Variants in LMO7 observed in about 807,000 individuals in gnomAD.
LMO7 encodes the protein LIM domain 7.
A neutral mutation model predicts 206.5 loss-of-function variants in LMO7; 120 were observed. That is an observed-to-expected ratio of 0.58 (90% CI 0.50 to 0.68). The LOEUF (loss-of-function observed/expected upper bound fraction) is 0.68. Among genes scored for constraint, LMO7 ranks in the 30% least tolerant of loss-of-function variants. The pLI, the probability that LMO7 is intolerant of heterozygous loss-of-function variation, is 0.00. For missense variants in LMO7, 1,959 were observed against 1,957.9 expected (o/e 1.00, Z -0.01); for synonymous variants, 706 against 681.5 (o/e 1.04, Z -0.56).
At chr13:75,738,778 T>C (rs2046176142) in intron 3 of LMO7, among the ~76,000 whole-genome samples, 1 of 152,212 alleles carries the variant, frequency 6.6e-6, no homozygotes, top group Non-Finnish European at 1.5e-5. Context: ...AGAAGAGCTA[T>C]TGAACCAGAA....
At chr13:75,750,232 C>G (rs1264439217) in intron 3 of LMO7, among the ~76,000 whole-genome samples, 1 of 152,114 alleles carries the variant, frequency 6.6e-6, no homozygotes, top group Non-Finnish European at 1.5e-5. Flanking sequence ...TTTTGGTGAT[C>G]TAATAGTAAA....
intron 1 of LMO7, among the ~76,000 whole-genome samples, chr13:75,648,962 C>T (rs560908743): frequency 1.3e-5 from 2 of 152,228 alleles, no homozygotes; most frequent in South Asian, 2.1e-4. Flanking sequence ...ATGGGAAAAG[C>T]ATTTGGGAAC....
chr13:75,856,052 C>T (rs1033375262), intron 29 of LMO7, among the ~76,000 whole-genome samples: 18 of 152,074 alleles, frequency 1.2e-4, no homozygotes, highest in African/African-American at 3.9e-4. Context: ...CACATGGAAT[C>T]GAAATATCCA....
chr13:75,776,208 G>A (rs575751525), intron 4 of LMO7, among the ~76,000 whole-genome samples: 5 of 39,520 alleles, frequency 1.3e-4, no homozygotes, highest in Admixed American at 3.4e-4. Context: ...TATATATAAC[G>A]TTAAGTCGTA....
At chr13:75,620,909 T>C (rs554872906) in exon 1 of LMO7, 1 of 151,984 alleles carries the variant, frequency 6.6e-6, no homozygotes, top group East Asian at 1.9e-4. Context: ...GCATAAAATA[T>C]AGTGGCTGTA....
chr13:75,621,079 A>C (rs1327959364), exon 1 of LMO7: 2 of 152,174 alleles, frequency 1.3e-5, no homozygotes, highest in Non-Finnish European at 2.9e-5. Flanking sequence ...TCTCATGTAC[A>C]TTTTACATGA....
chr13:75,646,745 G>A (rs1387609625), intron 1 of LMO7, among the ~76,000 whole-genome samples: 2 of 151,892 alleles, frequency 1.3e-5, no homozygotes, highest in Non-Finnish European at 2.9e-5. Context: ...CACCACACCC[G>A]GCTGATTTTT....
chr13:75,654,176 A>T (rs555025768), intron 1 of LMO7, among the ~76,000 whole-genome samples: 1 of 152,348 alleles, frequency 6.6e-6, no homozygotes, highest in East Asian at 1.9e-4. Flanking sequence ...GGGAGAGCTT[A>T]CAAATCTGTA....
At chr13:75,835,052 G>C (rs2059006489) in intron 17 of LMO7, 181 bp from the exon 18 acceptor site, 1 of 660,160 alleles carries the variant, frequency 1.5e-6, no homozygotes, top group Non-Finnish European at 2.2e-6. Context: ...TGTTTGTCTT[G>C]TATATGTAGA....
chr13:75,683,374 T>G (rs937491714), intron 1 of LMO7, among the ~76,000 whole-genome samples: 1 of 152,250 alleles, frequency 6.6e-6, no homozygotes, highest in African/African-American at 2.4e-5. Flanking sequence ...AGGTCTAAGA[T>G]ACTTTTTGAT....
chr13:75,633,005 G>T (rs1490255658), upstream of LMO7, among the ~76,000 whole-genome samples: 3 of 151,324 alleles, frequency 2.0e-5, no homozygotes, highest in Non-Finnish European at 4.4e-5. Flanking sequence ...AGAATTACAG[G>T]TGGCTGCCAC....
At chr13:75,757,643 A>G in intron 3 of LMO7, among the ~76,000 whole-genome samples, 1 of 152,168 alleles carries the variant, frequency 6.6e-6, no homozygotes, top group East Asian at 1.9e-4. Flanking sequence ...AGACAATATG[A>G]AAATCTTAAA....
At chr13:75,809,309 T>A in intron 11 of LMO7, 126 bp downstream of exon 11, 1 of 744,070 alleles carries the variant, frequency 1.3e-6, no homozygotes, top group Middle Eastern at 2.4e-4. Flanking sequence ...ATTTTTTAAG[T>A]GGGAAATGTT....
intron 1 of LMO7, among the ~76,000 whole-genome samples, chr13:75,697,346 T>A (rs775397620): frequency 5.3e-5 from 8 of 152,166 alleles, no homozygotes; most frequent in Non-Finnish European, 1.2e-4. Context: ...TCTACATGGC[T>A]GGGGAGGCCT....
intron 1 of LMO7, among the ~76,000 whole-genome samples, chr13:75,684,942 G>A (rs1053308744): frequency 2.6e-5 from 4 of 152,166 alleles, no homozygotes; most frequent in Non-Finnish European, 4.4e-5. Context: ...TATGCCAGCT[G>A]TTAGATAATT....
At chr13:75,792,243 C>T (rs1328689385) in intron 4 of LMO7, among the ~76,000 whole-genome samples, 1 of 152,158 alleles carries the variant, frequency 6.6e-6, no homozygotes, top group Non-Finnish European at 1.5e-5. Context: ...GCTGGGATTA[C>T]AGGAATGAGC....
chr13:75,736,447 G>A (rs1157813356), intron 3 of LMO7, among the ~76,000 whole-genome samples: 2 of 152,164 alleles, frequency 1.3e-5, no homozygotes, highest in South Asian at 2.1e-4. Flanking sequence ...GTTGTTATGA[G>A]GACTAAAAGG....
At chr13:75,850,374 C>A (rs999131342) in intron 27 of LMO7, among the ~76,000 whole-genome samples, 1 of 152,120 alleles carries the variant, frequency 6.6e-6, no homozygotes, top group Non-Finnish European at 1.5e-5. Flanking sequence ...ACCCTCTGAG[C>A]AATGTAGTTT....
Position 75,777,647 on chromosome 13 carries a change from G to GTTTT in LMO7, c.317+16622_317+16625dup, listed in dbSNP as rs3036339. Among the ~76,000 whole-genome samples the GTTTT allele has an allele frequency of 4.8e-4, 63 of 132,082 alleles. 1 individual carries two copies. The highest frequency in any genetic ancestry group is 8.0e-4 in the African/African-American group (28 of 35,120). 86.7% of individuals were successfully genotyped at this position (132,082 alleles called of 152,430 possible). On this transcript the variant is annotated intron_variant, in intron 4 of 30. Coordinates refer to ENST00000377534, the MANE Select transcript of LMO7 (RefSeq NM_001306080.2). Reference sequence around the variant, plus strand: ...TATTTACTTCTGATTTTCTTTTCTTGTTTTTTTTTTTTTTTTGAGACAGAG... The same window carrying GTTTT: ...TATTTACTTCTGATTTTCTTTTCTTGTTTTTTTTTTTTTTTTTTTTGAGACAGAG...
Sources: gnomAD v4.1 joint callset for allele counts (sites outside exome capture counted in the v4.1 genomes callset) on GRCh38, gnomAD v4.1.1 for gene constraint, MANE v1.5 for transcripts, NCBI Gene and HGNC (gene_info 2026-07-23, HGNC 2026-07-21) for gene names.